Variants in AK4 observed in about 807,000 individuals in gnomAD.
AK4 encodes adenylate kinase 4, mitochondrial.
In AK4, 13 loss-of-function variants were observed where a neutral mutation model predicts 24.6. That is an observed-to-expected ratio of 0.53 (90% CI 0.34 to 0.84). The LOEUF is 0.84. Ranked by LOEUF, AK4 falls within the 40% of genes least tolerant of loss-of-function variation. AK4 has a pLI of 0.01. For synonymous variants in AK4, 88 were observed against 107.0 expected (o/e 0.82, Z 1.10); for missense variants, 192 against 288.2 (o/e 0.67, Z 2.42).
At chr1:65,163,461 C>T (rs750983828) in intron 1 of AK4, among the ~76,000 whole-genome samples, 10 of 152,186 alleles carry the variant, frequency 6.6e-5, no homozygotes, top group Non-Finnish European at 1.3e-4. Context: ...GGTTACAGCT[C>T]GGCATTTGCC....
At chr1:65,154,734 A>C (rs1649919327) in intron 1 of AK4, 1 of 268,350 alleles carries the variant, frequency 3.7e-6, no homozygotes, top group Admixed American at 4.0e-5. Context: ...AAACATTCAA[A>C]CAAAGAACGC....
In AK4 at chr1:65,183,649, CCGTGTGTG is replaced by C. The variant is rs1193115352; in HGVS notation, c.146-7060_146-7053del. Among the ~76,000 whole-genome samples, 864 of 111,696 alleles carry C rather than the reference CCGTGTGTG, an allele frequency of 7.7e-3. 2 individuals are homozygous for C. The highest frequency in any genetic ancestry group is 0.016 in the South Asian group (50 of 3,052). The allele number at this position is 111,696 out of a possible 152,430, so 73.3% of individuals were successfully genotyped here. On this transcript the variant is annotated intron_variant, in intron 1 of 4. Coordinates refer to ENST00000327299, the MANE Select transcript of AK4 (RefSeq NM_013410.4). ...AATGGATTTTGTGCTATATAAATAT[CCGTGTGTG>C]TGTGTGTGTGTGTGTGTGTGTGTGT...
rs914676886 is a variant in AK4, at chr1:65,177,235, G to C, written c.146-13475G>C. Among the ~76,000 whole-genome samples, 28 of 85,000 alleles carry C rather than the reference G, an allele frequency of 3.3e-4. No homozygotes were observed. In the African/African-American group the frequency reaches 4.1e-3, roughly 12 times the overall value. The allele number at this position is 85,000 out of a possible 152,430, so 55.8% of individuals were successfully genotyped here. ...ATATGAGGTCTCTTTTTCCCTCAGA[G>C]ACCAGTGACTAATATGCCACGAGCA... On this transcript the variant is annotated intron_variant, in intron 1 of 4. Coordinates refer to ENST00000327299, the MANE Select transcript of AK4 (RefSeq NM_013410.4).
intron 2 of AK4, among the ~76,000 whole-genome samples, chr1:65,198,199 G>C (rs921450149): frequency 2.0e-5 from 3 of 152,172 alleles, no homozygotes; most frequent in Non-Finnish European, 2.9e-5. Flanking sequence ...ATCTTGAATG[G>C]AAAGTTTAAA....
chr1:65,223,993 A>AAAATAAAT (rs74667180), intron 3 of AK4, among the ~76,000 whole-genome samples: 14 of 151,748 alleles, frequency 9.2e-5, no homozygotes, highest in South Asian at 2.1e-4. Flanking sequence ...ACTCCGTCTT[A>AAAATAAAT]AAATAAATAA....
chr1:65,175,550 A>G (rs1650685533), intron 1 of AK4, among the ~76,000 whole-genome samples: 1 of 152,270 alleles, frequency 6.6e-6, no homozygotes, highest in South Asian at 2.1e-4. Flanking sequence ...AGGAATTACT[A>G]TTTGTGTTGC....
At chr1:65,204,326 A>G (rs1350305087) in intron 2 of AK4, among the ~76,000 whole-genome samples, 1 of 151,142 alleles carries the variant, frequency 6.6e-6, no homozygotes, top group Admixed American at 6.6e-5. Flanking sequence ...TCAGCCTCCC[A>G]AGTAGTGGGA....
At chr1:65,156,851 G>A (rs1650000510) in intron 1 of AK4, among the ~76,000 whole-genome samples, 1 of 151,066 alleles carries the variant, frequency 6.6e-6, no homozygotes, top group Non-Finnish European at 1.5e-5. Context: ...GCTTGAACCC[G>A]GGAGGCGGAG....
At chr1:65,218,627 C>T (rs1225480665) in intron 2 of AK4, 127 bp from the exon 3 acceptor site, 1 of 860,936 alleles carries the variant, frequency 1.2e-6, no homozygotes, top group South Asian at 3.2e-5. Context: ...GATCCCATCA[C>T]CCAGATAGTG....
chr1:65,183,089 T>C (rs1650963430), intron 1 of AK4, among the ~76,000 whole-genome samples: 1 of 152,166 alleles, frequency 6.6e-6, no homozygotes, highest in Non-Finnish European at 1.5e-5. Context: ...AAATATTAGC[T>C]GAATGAGTAT....
intron 1 of AK4, among the ~76,000 whole-genome samples, chr1:65,151,494 G>A (rs1649769763): frequency 1.3e-5 from 2 of 152,142 alleles, no homozygotes; most frequent in South Asian, 4.1e-4. Flanking sequence ...TCTTGGCTCA[G>A]TCTCCCAAAA....
At chr1:65,172,163 T>G (rs929944799) in intron 1 of AK4, among the ~76,000 whole-genome samples, 2 of 147,328 alleles carry the variant, frequency 1.4e-5, no homozygotes, top group African/African-American at 4.9e-5. Context: ...AAACGTAAGC[T>G]TTACGTTTTT....
At chr1:65,219,028 C>T (rs1652219115) in intron 3 of AK4, 102 bp downstream of exon 3, 2 of 838,486 alleles carry the variant, frequency 2.4e-6, no homozygotes, top group Admixed American at 3.9e-5. Context: ...CAAAAAAGAA[C>T]AAATCTACAT....
chr1:65,177,198 CGGGT>C (rs1557447055), intron 1 of AK4, among the ~76,000 whole-genome samples: 1 of 151,868 alleles, frequency 6.6e-6, no homozygotes, highest in Non-Finnish European at 1.5e-5. Context: ...GTATTGAAGA[CGGGT>C]GTATTCCATA....
At position 65,231,277 on chromosome 1, in the gene AK4, T is replaced by C. The variant is rs1222592408; in HGVS notation, c.*5100T>C. 6.6e-6 allele frequency: 1 copy of C among 152,228 alleles called. No individual in the cohort carries two copies. The highest frequency in any genetic ancestry group is 6.5e-5 in the Admixed American group (1 of 15,276). 9.4% of individuals were successfully genotyped at this position (152,228 alleles called of 1,614,324 possible). A position where few individuals can be genotyped will look rare whatever the true frequency, so the allele number is the denominator to read the frequency against. Reference sequence around the variant, plus strand: ...TTTCTTGTAACAATTTGCACAGTTCTTGCCAGAATAAATGCCATTATCTGT... The same window carrying C: ...TTTCTTGTAACAATTTGCACAGTTCCTGCCAGAATAAATGCCATTATCTGT... On this transcript the variant is annotated 3_prime_UTR_variant, in exon 5 of 5. Coordinates refer to ENST00000327299, the MANE Select transcript of AK4 (RefSeq NM_013410.4).
chr1:65,212,312 T>G (rs1326528678), intron 2 of AK4, among the ~76,000 whole-genome samples: 2 of 151,996 alleles, frequency 1.3e-5, no homozygotes, highest in Non-Finnish European at 2.9e-5. Flanking sequence ...CTTTTTTTTT[T>G]TTGAGACAGG....
intron 1 of AK4, among the ~76,000 whole-genome samples, chr1:65,181,807 A>T (rs955185084): frequency 8.5e-5 from 13 of 152,210 alleles, no homozygotes; most frequent in African/African-American, 2.9e-4. Context: ...TCACCTGGCC[A>T]AGCAATCTGA....
chr1:65,149,184 G>C (rs1203074935), intron 1 of AK4: 2 of 152,800 alleles, frequency 1.3e-5, no homozygotes, highest in Non-Finnish European at 2.9e-5. Flanking sequence ...AAGCCGCCGG[G>C]CCTGGCCGTC....
chr1:65,227,281 A>G lies in AK4; in HGVS notation c.*1104A>G, dbSNP rs1652495304. On this transcript the variant is annotated 3_prime_UTR_variant, in exon 5 of 5. Transcript: ENST00000327299. ...TGAGTGACCCAAACATATTATAAAT[A>G]TGTGGTAAAGGGAATGGAGCCTGTG... The G allele has an allele frequency of 6.9e-6, 1 of 145,428 alleles. No homozygotes were observed. Among genetic ancestry groups the G allele is most frequent in the African/African-American group, 2.5e-5 (1 of 39,276 alleles). 9.0% of individuals were successfully genotyped at this position (145,428 alleles called of 1,614,324 possible). A position where few individuals can be genotyped will look rare whatever the true frequency, so the allele number is the denominator to read the frequency against.
Sources: allele counts gnomAD v4.1 joint callset (sites outside exome capture counted in the v4.1 genomes callset), GRCh38; gene constraint gnomAD v4.1.1; transcripts MANE v1.5; gene names NCBI Gene and HGNC (gene_info 2026-07-23, HGNC 2026-07-21).